ARID5B: variants seen among roughly 807,000 people sequenced by gnomAD.
ARID5B encodes AT-rich interaction domain 5B.
Under a neutral mutation model 97.2 loss-of-function variants are expected in ARID5B, and 13 were observed. The ratio of observed to expected loss-of-function variants is 0.13; its 90% CI spans 0.09 to 0.21. The LOEUF (loss-of-function observed/expected upper bound fraction) is 0.21. Among genes scored for constraint, ARID5B ranks in the 10% least tolerant of loss-of-function variants. The pLI is 1.00. For missense variants in ARID5B, 1,210 were observed against 1,465.3 expected (o/e 0.83, Z 2.84); for synonymous variants, 556 against 570.3 (o/e 0.97, Z 0.36).
intron 6 of ARID5B, among the ~76,000 whole-genome samples, chr10:62,058,735 T>C (rs899065720): frequency 1.3e-5 from 2 of 152,190 alleles, no homozygotes; most frequent in Non-Finnish European, 2.9e-5. Context: ...CACCACATGT[T>C]GGTGAAATAC....
At chr10:61,939,870 G>A (rs972521935) in intron 2 of ARID5B, among the ~76,000 whole-genome samples, 2 of 152,206 alleles carry the variant, frequency 1.3e-5, no homozygotes, top group Non-Finnish European at 2.9e-5. Context: ...TTTCACCCAA[G>A]TGGTCAGCTA....
At chr10:62,017,093 C>T (rs962237082) in intron 4 of ARID5B, among the ~76,000 whole-genome samples, 12 of 152,186 alleles carry the variant, frequency 7.9e-5, no homozygotes, top group African/African-American at 2.9e-4. Flanking sequence ...GTGATTAATG[C>T]ATAAACAGTA....
chr10:62,031,009 G>A (rs1001936225), intron 4 of ARID5B, among the ~76,000 whole-genome samples: 1 of 152,192 alleles, frequency 6.6e-6, no homozygotes, highest in South Asian at 2.1e-4. Flanking sequence ...GCCAAGGCAG[G>A]TGGATCACGA....
At chr10:61,918,167 C>T (rs1023430645) in intron 2 of ARID5B, among the ~76,000 whole-genome samples, 6 of 152,180 alleles carry the variant, frequency 3.9e-5, no homozygotes, top group African/African-American at 9.7e-5. Flanking sequence ...AATCTGAAGG[C>T]GGTGCTGCTG....
chr10:62,016,398 A>G (rs1009414863), intron 4 of ARID5B, among the ~76,000 whole-genome samples: 1 of 152,240 alleles, frequency 6.6e-6, no homozygotes, highest in Non-Finnish European at 1.5e-5. Flanking sequence ...GCCACATTGC[A>G]TATACAATAA....
At chr10:62,024,146 C>T (rs575730266) in intron 4 of ARID5B, among the ~76,000 whole-genome samples, 2 of 152,230 alleles carry the variant, frequency 1.3e-5, no homozygotes, top group South Asian at 4.1e-4. Context: ...TTAGGGATAA[C>T]TTATTATGTA....
At chr10:61,918,421 T>G (rs947899226) in intron 2 of ARID5B, among the ~76,000 whole-genome samples, 1 of 152,190 alleles carries the variant, frequency 6.6e-6, no homozygotes, top group African/African-American at 2.4e-5. Flanking sequence ...TGGCTTATCC[T>G]AGGTCTGCAG....
intron 9 of ARID5B, among the ~76,000 whole-genome samples, chr10:62,089,017 C>G (rs1840330413): frequency 6.6e-6 from 1 of 152,224 alleles, no homozygotes; most frequent in South Asian, 2.1e-4. Flanking sequence ...GCATGGGACT[C>G]TGATATAACT....
intron 2 of ARID5B, among the ~76,000 whole-genome samples, chr10:61,925,530 G>A (rs771430939): frequency 2.0e-5 from 3 of 152,164 alleles, no homozygotes; most frequent in Admixed American, 2.0e-4. Flanking sequence ...ACTGATATAA[G>A]TAAAGCCTCT....
intron 2 of ARID5B, among the ~76,000 whole-genome samples, chr10:61,917,506 G>A (rs1432657873): frequency 6.6e-6 from 1 of 151,954 alleles, no homozygotes; most frequent in Non-Finnish European, 1.5e-5. Context: ...TTTTTGTATT[G>A]TTAGTAGAGA....
At chr10:62,083,063 ACTCT>A (rs1318859700) in intron 8 of ARID5B, among the ~76,000 whole-genome samples, 2 of 150,016 alleles carry the variant, frequency 1.3e-5, no homozygotes, top group Non-Finnish European at 3.0e-5. Flanking sequence ...ACACACACAC[ACTCT>A]CTCACACACT....
intron 3 of ARID5B, among the ~76,000 whole-genome samples, chr10:61,987,126 C>G (rs547196038): frequency 6.6e-6 from 1 of 152,188 alleles, no homozygotes; most frequent in South Asian, 2.1e-4. Flanking sequence ...AGAAATATGA[C>G]AACTTCTCAC....
intron 8 of ARID5B, among the ~76,000 whole-genome samples, chr10:62,080,618 T>C (rs1198928674): frequency 6.6e-6 from 1 of 152,198 alleles, no homozygotes; most frequent in Non-Finnish European, 1.5e-5. Context: ...TTCCTTCCCA[T>C]ACTTCACAGT....
In ARID5B at chr10:61,983,867, C is replaced by CTTTTTTTTTTTTTTTTTTTTT. The variant is rs1164342402; in HGVS notation, c.503-16213_503-16193dup. ...TATATTTTTTAAACCCCCTTTTGTTCTTTTTTTTTTTTTTTTTTTTTTTTT... is the reference window on the plus strand; with the variant it reads ...TATATTTTTTAAACCCCCTTTTGTTCTTTTTTTTTTTTTTTTTTTTTTTTTTTTTTTTTTTTTTTTTTTTTT... On this transcript the variant is annotated intron_variant, in intron 3 of 9. Transcript: ENST00000279873. Among the ~76,000 whole-genome samples the CTTTTTTTTTTTTTTTTTTTTT allele has an allele frequency of 1.8e-4, 5 of 27,590 alleles. 1 individual carries two copies. Among genetic ancestry groups the CTTTTTTTTTTTTTTTTTTTTT allele is most frequent in the African/African-American group, 6.3e-4 (4 of 6,322 alleles). The allele number at this position is 27,590 out of a possible 152,430, so 18.1% of individuals were successfully genotyped here.
intron 3 of ARID5B, among the ~76,000 whole-genome samples, chr10:61,963,100 C>T (rs770176044): frequency 1.3e-5 from 2 of 151,986 alleles, no homozygotes; most frequent in Non-Finnish European, 2.9e-5. Flanking sequence ...TGAGAGTGTC[C>T]GACTGAGATT....
chr10:62,011,364 T>C (rs1220374594), intron 4 of ARID5B, among the ~76,000 whole-genome samples: 1 of 152,192 alleles, frequency 6.6e-6, no homozygotes, highest in Non-Finnish European at 1.5e-5. Flanking sequence ...CTTTTGAGAT[T>C]TGTCTTTTCT....
At chr10:62,049,231 G>C in intron 4 of ARID5B, 1 of 1,365,298 alleles carries the variant, frequency 7.3e-7, no homozygotes, top group South Asian at 1.6e-5. Flanking sequence ...CTGCCAGTCT[G>C]GCAACTCCAG....
chr10:62,007,862 A>G (rs1341652272), intron 4 of ARID5B, among the ~76,000 whole-genome samples: 5 of 152,112 alleles, frequency 3.3e-5, no homozygotes, highest in African/African-American at 1.2e-4. Context: ...TTCCCAGATC[A>G]TTTGGGCCTT....
chr10:62,017,927 A>G (rs980663134), intron 4 of ARID5B, among the ~76,000 whole-genome samples: 5 of 152,232 alleles, frequency 3.3e-5, no homozygotes, highest in Non-Finnish European at 5.9e-5. Context: ...TGTAGAGGAG[A>G]TAAAATACAT....
Sources: gnomAD v4.1 joint callset for allele counts (sites outside exome capture counted in the v4.1 genomes callset) on GRCh38, gnomAD v4.1.1 for gene constraint, MANE v1.5 for transcripts, NCBI Gene and HGNC (gene_info 2026-07-23, HGNC 2026-07-21) for gene names.